IL1RAPL1: variants seen among roughly 807,000 people sequenced by gnomAD.
IL1RAPL1 encodes interleukin 1 receptor accessory protein like 1, also known as interleukin-1 receptor accessory protein-like 1.
In IL1RAPL1, 3 loss-of-function variants were observed where a neutral mutation model predicts 48.4. The ratio of observed to expected loss-of-function variants is 0.06; its 90% CI spans 0.03 to 0.16. The LOEUF (loss-of-function observed/expected upper bound fraction) is 0.16, where lower values mean the gene tolerates loss of function less well. Among genes scored for constraint, IL1RAPL1 ranks in the 10% least tolerant of loss-of-function variants. The pLI, the probability that IL1RAPL1 is intolerant of heterozygous loss-of-function variation, is 1.00. For synonymous variants in IL1RAPL1, 185 were observed against 187.7 expected, an observed-to-expected ratio of 0.99 and a Z score of 0.12; for missense variants, 349 against 530.6, an observed-to-expected ratio of 0.66 and a Z score of 3.36.
At chrX:29,027,228 AC>A (rs1232620313) in intron 2 of IL1RAPL1, among the ~76,000 whole-genome samples, 5 of 112,051 alleles carry the variant, frequency 4.5e-5, no homozygotes, top group Admixed American at 9.5e-5. Flanking sequence ...GCAACCACAA[AC>A]CTTTTTACTA....
chrX:28,712,918 C>T (rs779351192), intron 1 of IL1RAPL1, among the ~76,000 whole-genome samples: 2 of 111,453 alleles, frequency 1.8e-5, no homozygotes, highest in East Asian at 5.6e-4. Flanking sequence ...GTAATTCTAC[C>T]TGTTTTTACA....
chrX:29,471,192 T>C (rs921914078), intron 5 of IL1RAPL1, among the ~76,000 whole-genome samples: 1 of 110,752 alleles, frequency 9.0e-6, no homozygotes, highest in Non-Finnish European at 1.9e-5. Flanking sequence ...ACTTCAGTAT[T>C]TGAAGGGGAA....
chrX:29,885,599 C>T (rs191284407), intron 6 of IL1RAPL1, among the ~76,000 whole-genome samples: 98 of 111,450 alleles, frequency 8.8e-4, no homozygotes, highest in Non-Finnish European at 1.2e-3. Context: ...TCTCTTGAGG[C>T]CAGGACTTCA....
chrX:29,450,568 T>G (rs1324631582), intron 5 of IL1RAPL1, among the ~76,000 whole-genome samples: 1 of 112,072 alleles, frequency 8.9e-6, no homozygotes, highest in African/African-American at 3.2e-5. Context: ...TATTCATATG[T>G]TTCATATAGA....
intron 3 of IL1RAPL1, among the ~76,000 whole-genome samples, chrX:29,364,190 T>A (rs1933414555): frequency 8.9e-6 from 1 of 112,164 alleles, no homozygotes; most frequent in African/African-American, 3.2e-5. Flanking sequence ...ATTCAAACAT[T>A]GATAAAAACA....
intron 2 of IL1RAPL1, among the ~76,000 whole-genome samples, chrX:29,260,294 C>A (rs1258356187): frequency 8.9e-6 from 1 of 112,256 alleles, no homozygotes; most frequent in African/African-American, 3.2e-5. Flanking sequence ...AGTCTGTTCT[C>A]ATGGTGCTAA....
chrX:29,499,377 C>CT (rs1219812070), intron 5 of IL1RAPL1, among the ~76,000 whole-genome samples: 28 of 110,714 alleles, frequency 2.5e-4, no homozygotes, highest in South Asian at 1.1e-3. Context: ...CGTTTCCTCA[C>CT]TTTTTTTTTC....
At chrX:29,664,329 A>G (rs1925934393) in intron 5 of IL1RAPL1, among the ~76,000 whole-genome samples, 1 of 105,987 alleles carries the variant, frequency 9.4e-6, no homozygotes, top group South Asian at 4.3e-4. Context: ...GCATGAACCC[A>G]GGAGGCAGAG....
At position 28,817,191 on chromosome X, in the gene IL1RAPL1, T is replaced by G. The variant is rs1212142591; in HGVS notation, c.82+27766T>G. On this transcript the variant is annotated intron_variant, in intron 2 of 10. Coordinates refer to ENST00000378993, the MANE Select transcript of IL1RAPL1 (RefSeq NM_014271.4). ...GGGATCACCATTTTAAAATATATAC[T>G]CAGTGATATTTTCTAGAAATATATT... Among the ~76,000 whole-genome samples, 16 of 110,690 alleles carry G rather than the reference T, an allele frequency of 1.4e-4. No individual in the cohort carries two copies. The Admixed American group carries it at 1.6e-3, about 11-fold the overall frequency.
At chrX:29,810,430 C>T (rs1334877541) in intron 6 of IL1RAPL1, among the ~76,000 whole-genome samples, 2 of 110,970 alleles carry the variant, frequency 1.8e-5, no homozygotes, top group Admixed American at 9.6e-5. Flanking sequence ...ACCTCGTGAT[C>T]CATCACCTCG....
rs1378396888 is a variant in IL1RAPL1, at chrX:29,007,227, G to C, written c.82+217802G>C. The stretch of plus-strand genomic sequence containing the variant: ...TATAGTTGTTAGAGAGAAGGAGTTA[G>C]ATGATTTTTATTCCTGTTGCCAGTA... On this transcript the variant is annotated intron_variant, in intron 2 of 10. Transcript: ENST00000378993. 2.7e-5 allele frequency among the ~76,000 whole-genome samples: 3 copies of C among 111,802 alleles called. No homozygotes were observed. In the East Asian group the frequency reaches 8.4e-4, roughly 31 times the overall value.
chrX:29,391,946 T>C (rs748779557), intron 3 of IL1RAPL1, among the ~76,000 whole-genome samples: 4 of 112,327 alleles, frequency 3.6e-5, no homozygotes, highest in Admixed American at 1.9e-4. Context: ...CATGAAGACA[T>C]TGAAAGAAGT....
At chrX:29,743,833 C>G (rs1440637915) in intron 6 of IL1RAPL1, among the ~76,000 whole-genome samples, 1 of 112,180 alleles carries the variant, frequency 8.9e-6, no homozygotes, top group Admixed American at 9.5e-5. Context: ...TGCCTTCATG[C>G]TGTTATATTA....
intron 5 of IL1RAPL1, among the ~76,000 whole-genome samples, chrX:29,459,225 A>C (rs1371474331): frequency 8.9e-6 from 1 of 112,024 alleles, no homozygotes; most frequent in Non-Finnish European, 1.9e-5. Flanking sequence ...TCTGGTGGAC[A>C]GAATGTGGAT....
chrX:29,077,386 T>C (rs1324461627), intron 2 of IL1RAPL1, among the ~76,000 whole-genome samples: 1 of 110,624 alleles, frequency 9.0e-6, no homozygotes, highest in Non-Finnish European at 1.9e-5. Flanking sequence ...GAGCAGATCA[T>C]GAGGTCAGGA....
At chrX:29,261,347 A>G (rs1931856152) in intron 2 of IL1RAPL1, among the ~76,000 whole-genome samples, 2 of 111,286 alleles carry the variant, frequency 1.8e-5, no homozygotes, top group Admixed American at 1.9e-4. Context: ...ATAACCCTTC[A>G]GGCTCTTTAT....
At chrX:28,836,863 C>G (rs1320043478) in intron 2 of IL1RAPL1, among the ~76,000 whole-genome samples, 1 of 108,929 alleles carries the variant, frequency 9.2e-6, no homozygotes, top group Non-Finnish European at 1.9e-5. Flanking sequence ...TTCTACTGTT[C>G]TTAGGTTTCT....
chrX:29,931,187 G>GAAAAAAATCCCCCCTCCCCA (rs1313193418), intron 8 of IL1RAPL1, among the ~76,000 whole-genome samples: 1 of 110,560 alleles, frequency 9.0e-6, no homozygotes. Context: ...TTTTTTAAAG[G>GAAAAAAATCCCCCCTCCCCA]TTAACAGAGT....
intron 2 of IL1RAPL1, among the ~76,000 whole-genome samples, chrX:29,080,398 CAA>C (rs1480161234): frequency 9.1e-6 from 1 of 109,479 alleles, no homozygotes; most frequent in Non-Finnish European, 1.9e-5. Flanking sequence ...AATAAATAAA[CAA>C]AAATAAAAAC....
Sources: allele counts gnomAD v4.1 joint callset (sites outside exome capture counted in the v4.1 genomes callset), GRCh38; gene constraint gnomAD v4.1.1; transcripts MANE v1.5; gene names NCBI Gene and HGNC (gene_info 2026-07-23, HGNC 2026-07-21).